The following MAGI3 variants were observed in gnomAD, a reference collection of about 807,000 sequenced individuals.
The protein encoded by MAGI3 is membrane-associated guanylate kinase, WW and PDZ domain-containing protein 3.
In MAGI3, 43 loss-of-function variants were observed where a neutral mutation model predicts 121.8. The ratio of observed to expected loss-of-function variants is 0.35; its 90% confidence interval spans 0.28 to 0.46. The LOEUF (loss-of-function observed/expected upper bound fraction) is 0.46, where lower values mean the gene tolerates loss of function less well. MAGI3 is among the 20% of genes least tolerant of loss of function. The pLI is 1.00. For missense variants in MAGI3, 1,547 were observed against 1,797.3 expected (o/e 0.86, Z 2.52); for synonymous variants, 553 against 639.3 (o/e 0.86, Z 2.04).
intron 1 of MAGI3, among the ~76,000 whole-genome samples, chr1:113,472,132 C>T (rs1354986679): frequency 4.6e-5 from 7 of 151,878 alleles, no homozygotes; most frequent in African/African-American, 1.2e-4. Flanking sequence ...TATCTTTTCC[C>T]ATTTCTTCAC....
chr1:113,490,400 A>T (rs780607761), intron 1 of MAGI3, among the ~76,000 whole-genome samples: 16 of 152,250 alleles, frequency 1.1e-4, no homozygotes, highest in Non-Finnish European at 1.9e-4. Context: ...AAATATGGAA[A>T]GGAAAGACTG....
intron 7 of MAGI3, among the ~76,000 whole-genome samples, chr1:113,619,427 C>A (rs1240014702): frequency 6.6e-6 from 1 of 152,120 alleles, no homozygotes; most frequent in East Asian, 1.9e-4. Context: ...TTACCAAGAA[C>A]AAGTACTTCT....
intron 1 of MAGI3, among the ~76,000 whole-genome samples, chr1:113,506,295 T>C (rs1657321138): frequency 6.6e-6 from 1 of 152,222 alleles, no homozygotes; most frequent in Non-Finnish European, 1.5e-5. Flanking sequence ...GCATTAATTA[T>C]GCAGAACGTT....
intron 9 of MAGI3, among the ~76,000 whole-genome samples, chr1:113,633,237 C>CTTTTTT (rs1359169220): frequency 4.3e-5 from 4 of 91,958 alleles, no homozygotes; most frequent in African/African-American, 1.2e-4. Context: ...ATGAACTCAT[C>CTTTTTT]ATTTTTTTTT....
Position 113,534,686 on chromosome 1 carries a change from G to T in MAGI3, c.317-14829G>T, listed in dbSNP as rs1442174432. On this transcript the variant is annotated intron_variant, in intron 1 of 20. Transcript: ENST00000307546. ...TGACACCAAAGACAGGTATTACTTTGTGATTTTTATATCCCCCATGCCTAG... is the reference window on the plus strand; with the variant it reads ...TGACACCAAAGACAGGTATTACTTTTTGATTTTTATATCCCCCATGCCTAG... Among the ~76,000 whole-genome samples the T allele has an allele frequency of 3.3e-5, 5 of 152,050 alleles. No homozygotes were observed. In the East Asian group the frequency reaches 7.7e-4, roughly 23 times the overall value.
Position 113,539,852 on chromosome 1 carries a change from G to A in MAGI3, c.317-9663G>A, listed in dbSNP as rs141311875. Reference sequence around the variant, plus strand: ...TCCCCATGCTGGAGTGCAGTGGTGCGATCATGGCTCACTGTAGCTTCGACC... The same window carrying A: ...TCCCCATGCTGGAGTGCAGTGGTGCAATCATGGCTCACTGTAGCTTCGACC... On this transcript the variant is annotated intron_variant, in intron 1 of 20. Coordinates refer to ENST00000307546, the MANE Select transcript of MAGI3 (RefSeq NM_001142782.2). 4.0e-5 allele frequency among the ~76,000 whole-genome samples: 6 copies of A among 150,394 alleles called. 1 individual carries two copies. In the South Asian group the frequency reaches 6.3e-4, roughly 16 times the overall value.
intron 9 of MAGI3, among the ~76,000 whole-genome samples, chr1:113,633,937 G>A (rs1651830104): frequency 6.6e-6 from 1 of 152,092 alleles, no homozygotes; most frequent in African/African-American, 2.4e-5. Context: ...TCTAACTGGT[G>A]TGAGATGGTA....
chr1:113,664,712 T>C (rs1340434112), intron 16 of MAGI3, among the ~76,000 whole-genome samples: 4 of 152,206 alleles, frequency 2.6e-5, no homozygotes, highest in Non-Finnish European at 5.9e-5. Flanking sequence ...ACCAGTACTT[T>C]GTATTATCAG....
Position 113,642,431 on chromosome 1 carries a change from G to A in MAGI3, c.1881G>A (p.Val627=). The change falls in exon 10 of 21, where the codon GTG becomes GTA. Residue 627 remains valine (V), a synonymous_variant. Coordinates refer to ENST00000307546, the MANE Select transcript of MAGI3 (RefSeq NM_001142782.2). The part of the protein sequence containing the change: ...DIIKEIYHQN[V]QNLTHLQVVE... ...TTAAGGAAATATACCATCAAAATGTGCAGAATTTAACACATCTCCAAGTGG... is the reference window on the plus strand; with the variant it reads ...TTAAGGAAATATACCATCAAAATGTACAGAATTTAACACATCTCCAAGTGG... 1 of 1,614,130 alleles carries A rather than the reference G, an allele frequency of 6.2e-7. No homozygotes were observed. The highest frequency in any genetic ancestry group is 8.5e-7 in the Non-Finnish European group (1 of 1,180,016).
intron 1 of MAGI3, among the ~76,000 whole-genome samples, chr1:113,479,629 G>A (rs965408503): frequency 6.6e-6 from 1 of 152,054 alleles, no homozygotes; most frequent in Non-Finnish European, 1.5e-5. Context: ...GGATTTGGAT[G>A]TTCATTTTTT....
In MAGI3 at chr1:113,585,411, C is replaced by G; in HGVS notation, c.578C>G (p.Pro193Arg). The G allele has an allele frequency of 6.2e-7, 1 of 1,614,036 alleles. No individual in the cohort carries two copies. Among genetic ancestry groups the G allele is most frequent in the South Asian group, 1.1e-5 (1 of 91,078 alleles). The change falls in exon 4 of 21, where the codon CCT becomes CGT. Residue 193 changes from proline (P) to arginine (R), a missense_variant. By Grantham distance (103) the Pro-to-Arg change is moderately radical. Transcript: ENST00000307546. ...YDGNFYGTPK[P>R]PAEPSPFQPD... ...GGAAACTTCTATGGAACTCCCAAGC[C>G]TCCAGCAGAACCCAGCCCTTTTCAG...
intron 1 of MAGI3, among the ~76,000 whole-genome samples, chr1:113,445,722 G>C (rs531208965): frequency 6.6e-6 from 1 of 152,148 alleles, no homozygotes; most frequent in Non-Finnish European, 1.5e-5. Context: ...AACTTTGGAG[G>C]CCAAAAGGCT....
intron 2 of MAGI3, among the ~76,000 whole-genome samples, chr1:113,555,600 T>A (rs975753502): frequency 6.6e-6 from 1 of 152,142 alleles, no homozygotes. Flanking sequence ...TTAAGAGGAT[T>A]TAGACTTAAA....
chr1:113,681,816 C>T (rs1423888773), intron 20 of MAGI3, among the ~76,000 whole-genome samples: 1 of 152,142 alleles, frequency 6.6e-6, no homozygotes, highest in African/African-American at 2.4e-5. Flanking sequence ...TTGCTATCAC[C>T]CTACCTGGAG....
chr1:113,638,889 G>A (rs1204785716), intron 9 of MAGI3, among the ~76,000 whole-genome samples: 1 of 152,256 alleles, frequency 6.6e-6, no homozygotes, highest in Non-Finnish European at 1.5e-5. Flanking sequence ...GCTCCACCCA[G>A]TTCGAGCTTC....
At position 113,391,389 on chromosome 1, in the gene MAGI3, G is replaced by C; in HGVS notation, c.316+40G>C. Reference sequence around the variant, plus strand: ...CGTATCTGTCTCGGGGTGTTGGGGAGAGGGGCTTCAGGGTGGGCGTCCTGG... The same window carrying C: ...CGTATCTGTCTCGGGGTGTTGGGGACAGGGGCTTCAGGGTGGGCGTCCTGG... On this transcript the variant is annotated intron_variant, in intron 1 of 20. Transcript: ENST00000307546. This position sits in a 1 kb window ranked among gnomAD's most constrained non-coding sequence, Gnocchi z 4.4. 1 of 1,557,252 alleles carries C rather than the reference G, an allele frequency of 6.4e-7. No individual in the cohort carries two copies. Among genetic ancestry groups the C allele is most frequent in the Non-Finnish European group, 8.7e-7 (1 of 1,151,380 alleles).
intron 1 of MAGI3, among the ~76,000 whole-genome samples, chr1:113,518,976 A>G (rs1324795602): frequency 6.6e-6 from 1 of 152,192 alleles, no homozygotes; most frequent in Non-Finnish European, 1.5e-5. Flanking sequence ...AGAGGAATGA[A>G]TAACAAGTTT....
At chr1:113,547,132 A>G (rs942798069) in intron 1 of MAGI3, among the ~76,000 whole-genome samples, 2 of 150,944 alleles carry the variant, frequency 1.3e-5, no homozygotes, top group Admixed American at 1.3e-4. Context: ...ATTTTGCCTT[A>G]AGAGACCCAT....
At chr1:113,494,161 C>T (rs529601757) in intron 1 of MAGI3, among the ~76,000 whole-genome samples, 19 of 152,170 alleles carry the variant, frequency 1.2e-4, no homozygotes, top group African/African-American at 4.6e-4. Flanking sequence ...AGGAAATATA[C>T]ACCATGGCAT....
Sources: allele counts gnomAD v4.1 joint callset (sites outside exome capture counted in the v4.1 genomes callset), GRCh38; gene constraint gnomAD v4.1.1; non-coding constraint Gnocchi (gnomAD v3.1); transcripts MANE v1.5; gene names NCBI Gene and HGNC (gene_info 2026-07-23, HGNC 2026-07-21).